MBLAC2: variants seen among roughly 807,000 people sequenced by gnomAD.
MBLAC2 encodes the protein metallo-beta-lactamase domain containing 2.
A neutral mutation model predicts 23.3 loss-of-function variants in MBLAC2; 24 were observed. The observed-to-expected ratio is 1.03, with a 90% CI of 0.75 to 1.45. The LOEUF (loss-of-function observed/expected upper bound fraction) is 1.45. Ranked by LOEUF, MBLAC2 falls within the 40% of genes most tolerant of loss-of-function variation. The pLI, the probability that MBLAC2 is intolerant of heterozygous loss-of-function variation, is 0.00. For missense variants in MBLAC2, 358 were observed against 370.0 expected (o/e 0.97, Z 0.27); for synonymous variants, 162 against 150.9 (o/e 1.07, Z -0.54).
At position 90,458,392 on chromosome 5, in the gene MBLAC2, C is replaced by T. The variant is rs536846724; in HGVS notation, c.*2775G>A. 4 of 151,812 alleles carry T rather than the reference C, an allele frequency of 2.6e-5. No homozygotes were observed. The highest frequency in any genetic ancestry group is 4.4e-5 in the Non-Finnish European group (3 of 67,922). 9.4% of individuals were successfully genotyped at this position (151,812 alleles called of 1,614,324 possible). A position where few individuals can be genotyped will look rare whatever the true frequency, so the allele number is the denominator to read the frequency against. ...AGGCTTCTCAGTTGAAAGAAAACAT[C>T]GAGTAAGGAAAATGAATTTCCAGTG... On this transcript the variant is annotated 3_prime_UTR_variant, in exon 2 of 2. Transcript: ENST00000316610.
intron 1 of MBLAC2, among the ~76,000 whole-genome samples, chr5:90,467,329 T>C (rs1444250311): frequency 2.0e-5 from 3 of 152,216 alleles, no homozygotes; most frequent in Admixed American, 6.5e-5. Context: ...TCATTTCTTA[T>C]GTCTAGTAGA....
In MBLAC2 at chr5:90,474,282, A is replaced by G. The variant is rs764075086; in HGVS notation, c.11T>C (p.Leu4Pro). 3 of 1,613,098 alleles carry G rather than the reference A, an allele frequency of 1.9e-6. No homozygotes were observed. The highest frequency in any genetic ancestry group is 2.5e-6 in the Non-Finnish European group (3 of 1,179,732). The change falls in exon 1 of 2, where the codon CTC (leucine) becomes CCC (proline). Residue 4 changes from leucine to proline, a missense_variant. Physicochemically the swap from Leu to Pro is moderately conservative, Grantham distance 98. Transcript: ENST00000316610. The stretch of plus-strand genomic sequence containing the variant: ...TAGAGACTTGTGGGCGTACCACTCG[A>G]GCGCCGACATGCTGGGCAGGGGTGC... MSA[L>P]EWYAHKSLGD...
intron 1 of MBLAC2, among the ~76,000 whole-genome samples, chr5:90,468,516 C>T (rs1237785061): frequency 6.6e-6 from 1 of 151,958 alleles, no homozygotes; most frequent in Non-Finnish European, 1.5e-5. Context: ...TTTTGAATTT[C>T]TCTAAATATG....
At chr5:90,466,706 A>G (rs776289171) in intron 1 of MBLAC2, among the ~76,000 whole-genome samples, 1 of 152,244 alleles carries the variant, frequency 6.6e-6, no homozygotes, top group African/African-American at 2.4e-5. Context: ...AATAAAGTGG[A>G]TATCTGATTA....
At chr5:90,469,687 G>A (rs1242878315) in intron 1 of MBLAC2, among the ~76,000 whole-genome samples, 2 of 151,954 alleles carry the variant, frequency 1.3e-5, no homozygotes, top group Non-Finnish European at 2.9e-5. Flanking sequence ...AAGAGTTGGG[G>A]GGCATGAGTA....
Position 90,470,785 on chromosome 5 carries a change from C to CACACACACAAA in MBLAC2, c.454+3053_454+3054insTTTGTGTGTGT, listed in dbSNP as rs3220210. On this transcript the variant is annotated intron_variant, in intron 1 of 1. Coordinates refer to ENST00000316610, the MANE Select transcript of MBLAC2 (RefSeq NM_203406.2). Reference sequence around the variant, plus strand: ...ACACACACACACACACACACACACACGCTTTCTTTCTCCTGTTTTCCATAC... The same window carrying CACACACACAAA: ...ACACACACACACACACACACACACACACACACACAAAGCTTTCTTTCTCCTGTTTTCCATAC... Among the ~76,000 whole-genome samples, 3 of 148,184 alleles carry CACACACACAAA rather than the reference C, an allele frequency of 2.0e-5. No homozygotes were observed. In the East Asian group the frequency reaches 6.1e-4, roughly 30 times the overall value.
chr5:90,471,426 T>A (rs549086658), intron 1 of MBLAC2, among the ~76,000 whole-genome samples: 2 of 151,096 alleles, frequency 1.3e-5, no homozygotes, highest in South Asian at 4.2e-4. Context: ...GTATGTACTA[T>A]GTCAATTTAA....
At position 90,461,463 on chromosome 5, in the gene MBLAC2, G is replaced by T. The variant is rs372493169; in HGVS notation, c.544C>A (p.Arg182=). The T allele has an allele frequency of 1.2e-6, 2 of 1,613,976 alleles. No individual in the cohort carries two copies. The highest frequency in any genetic ancestry group is 1.7e-5 in the Admixed American group (1 of 59,988). ...RGSICLHDKD[R]KILFSGDVVY... is the part of the protein sequence containing the mutation. The stretch of plus-strand genomic sequence containing the variant: ...ACGTCTCCACTGAAGAGAATCTTTC[G>T]GTCTTTGTCATGTAAGCAAATACTG... The change falls in exon 2 of 2, where the codon CGA becomes AGA. Residue 182 remains arginine, a synonymous_variant. Coordinates refer to ENST00000316610, the MANE Select transcript of MBLAC2 (RefSeq NM_203406.2).
rs57443165 is a variant in MBLAC2, at chr5:90,460,214, T to A, written c.*953A>T. On this transcript the variant is annotated 3_prime_UTR_variant, in exon 2 of 2. Coordinates refer to ENST00000316610, the MANE Select transcript of MBLAC2 (RefSeq NM_203406.2). Reference sequence around the variant, plus strand: ...ATTTTGCAATTAATTTAAAAATCCCTCTGTAGTACATATGCATGTTAAGTA... The same window carrying A: ...ATTTTGCAATTAATTTAAAAATCCCACTGTAGTACATATGCATGTTAAGTA... 0.098 allele frequency: 14,891 copies of A among 152,550 alleles called. 885 individuals carry two copies. The highest frequency in any genetic ancestry group is 0.11 in the Non-Finnish European group (7,618 of 67,942). 9.4% of individuals were successfully genotyped at this position (152,550 alleles called of 1,614,324 possible). A position where few individuals can be genotyped will look rare whatever the true frequency, so the allele number is the denominator to read the frequency against.
chr5:90,474,676 A>C lies in MBLAC2; in HGVS notation c.-384T>G, dbSNP rs1750691556. 7.3e-6 allele frequency: 2 copies of C among 275,688 alleles called. No individual in the cohort carries two copies. The highest frequency in any genetic ancestry group is 6.9e-6 in the Non-Finnish European group (1 of 144,008). The allele number at this position is 275,688 out of a possible 1,614,324, so 17.1% of individuals were successfully genotyped here. On this transcript the variant is annotated 5_prime_UTR_variant, in exon 1 of 2. Coordinates refer to ENST00000316610, the MANE Select transcript of MBLAC2 (RefSeq NM_203406.2). ...CGGGCGTGTGACAGCAGAGGCCCGC[A>C]GTGAGGGTGGGAAGAGCTAGAACCG...
intron 1 of MBLAC2, among the ~76,000 whole-genome samples, chr5:90,470,899 G>C (rs915177718): frequency 6.6e-6 from 1 of 152,024 alleles, no homozygotes; most frequent in African/African-American, 2.4e-5. Flanking sequence ...TAATTGGATG[G>C]GAGAGGGAGG....
At chr5:90,461,980 CT>C (rs1230924656) in intron 1 of MBLAC2, among the ~76,000 whole-genome samples, 1 of 152,212 alleles carries the variant, frequency 6.6e-6, no homozygotes, top group Non-Finnish European at 1.5e-5. Flanking sequence ...GAAACTTTTA[CT>C]TTTCAGCACA....
At chr5:90,473,685 G>C (rs1000882163) in intron 1 of MBLAC2, 154 bp downstream of exon 1, 1 of 783,634 alleles carries the variant, frequency 1.3e-6, no homozygotes, top group Non-Finnish European at 2.2e-6. Context: ...GGTCAAGTGG[G>C]TTTTTACTCA....
chr5:90,465,101 A>G (rs908470266), intron 1 of MBLAC2, among the ~76,000 whole-genome samples: 3 of 152,188 alleles, frequency 2.0e-5, no homozygotes, highest in Non-Finnish European at 4.4e-5. Context: ...ACATACAGAA[A>G]ATCCTAAGTA....
intron 1 of MBLAC2, among the ~76,000 whole-genome samples, chr5:90,468,935 C>A (rs1330001881): frequency 6.6e-6 from 1 of 152,092 alleles, no homozygotes; most frequent in Non-Finnish European, 1.5e-5. Context: ...AAAAGCAGTG[C>A]TAAGAGGAAA....
In MBLAC2 at chr5:90,473,821, C is replaced by A. The variant is rs771837933; in HGVS notation, c.454+18G>T. 3.2e-6 allele frequency: 5 copies of A among 1,557,428 alleles called. No homozygotes were observed. The highest frequency in any genetic ancestry group is 3.5e-6 in the Non-Finnish European group (4 of 1,150,336). On this transcript the variant is annotated intron_variant, in intron 1 of 1. Coordinates refer to ENST00000316610, the MANE Select transcript of MBLAC2 (RefSeq NM_203406.2). The stretch of plus-strand genomic sequence containing the variant: ...TACCCTCCCTTAACGAGAGCGCGCG[C>A]CCGCGGGGGCCCATTACCATCCTGC...
At chr5:90,465,987 A>T (rs1026794748) in intron 1 of MBLAC2, among the ~76,000 whole-genome samples, 1 of 152,226 alleles carries the variant, frequency 6.6e-6, no homozygotes, top group African/African-American at 2.4e-5. Flanking sequence ...CTGACTCTAA[A>T]TTTCACGTGG....
intron 1 of MBLAC2, among the ~76,000 whole-genome samples, chr5:90,467,098 C>T (rs1019597541): frequency 6.6e-6 from 1 of 152,166 alleles, no homozygotes; most frequent in African/African-American, 2.4e-5. Flanking sequence ...CACCATTGCA[C>T]TTCAGCCTGG....
At chr5:90,465,626 C>A (rs147040688) in intron 1 of MBLAC2, among the ~76,000 whole-genome samples, 258 of 152,290 alleles carry the variant, frequency 1.7e-3, no homozygotes, top group Non-Finnish European at 2.6e-3. Context: ...GTCACTCAGG[C>A]TAAAGTGCAG....
Sources: allele counts gnomAD v4.1 joint callset (sites outside exome capture counted in the v4.1 genomes callset), GRCh38; gene constraint gnomAD v4.1.1; transcripts MANE v1.5; gene names NCBI Gene and HGNC (gene_info 2026-07-23, HGNC 2026-07-21).